KDM6A: variants seen among roughly 807,000 people sequenced by gnomAD.
KDM6A encodes lysine-specific demethylase 6A.
Under a neutral mutation model 117.6 loss-of-function variants are expected in KDM6A, and 11 were observed. The ratio of observed to expected loss-of-function variants is 0.09; its 90% CI spans 0.06 to 0.15. KDM6A has a LOEUF of 0.15. KDM6A is among the 10% of genes least tolerant of loss of function. The pLI is 1.00. For missense variants in KDM6A, 799 were observed against 1,077.3 expected (o/e 0.74, Z 3.62); for synonymous variants, 384 against 396.1 (o/e 0.97, Z 0.36).
chrX:44,941,278 C>T (rs942110164), intron 2 of KDM6A, among the ~76,000 whole-genome samples: 3 of 110,794 alleles, frequency 2.7e-5, no homozygotes, highest in African/African-American at 9.9e-5. Flanking sequence ...ATAATTTTGA[C>T]CTAGCAGACC....
At chrX:45,075,715 G>T (rs1463361451) in intron 18 of KDM6A, among the ~76,000 whole-genome samples, 1 of 111,277 alleles carries the variant, frequency 9.0e-6, no homozygotes, top group Non-Finnish European at 1.9e-5. Context: ...GTTCAGTGTA[G>T]CAAGATAAGG....
At chrX:44,891,030 AT>A (rs999112816) in intron 2 of KDM6A, among the ~76,000 whole-genome samples, 3 of 105,335 alleles carry the variant, frequency 2.8e-5, no homozygotes, top group Non-Finnish European at 5.9e-5. Flanking sequence ...TTCTAGTTGG[AT>A]TTTTTTTTTA....
chrX:44,879,012 G>A lies in KDM6A; in HGVS notation c.225+5025G>A, dbSNP rs762138280. 5.9e-3 allele frequency among the ~76,000 whole-genome samples: 659 copies of A among 111,382 alleles called. 2 individuals carry two copies. The highest frequency in any genetic ancestry group is 9.8e-3 in the Non-Finnish European group (521 of 53,118). On this transcript the variant is annotated intron_variant, in intron 2 of 29. Coordinates refer to ENST00000611820, the MANE Select transcript of KDM6A (RefSeq NM_001291415.2). ...GCTGGCTTTGCAGGTGTGAGCCGCC[G>A]CACCTGGCCAATATCTTAAGCTGTT...
At chrX:44,990,380 A>T (rs1335008449) in intron 4 of KDM6A, among the ~76,000 whole-genome samples, 7 of 110,024 alleles carry the variant, frequency 6.4e-5, no homozygotes, top group Admixed American at 4.9e-4. Context: ...TTCTACTAAC[A>T]ATACAAAAAA....
intron 2 of KDM6A, among the ~76,000 whole-genome samples, chrX:44,888,031 G>A (rs760783557): frequency 1.9e-3 from 214 of 111,201 alleles, no homozygotes; most frequent in South Asian, 4.1e-3. Context: ...AACTGGCAGA[G>A]GGCAGTGGCT....
chrX:44,965,891 T>A (rs2038983870), intron 3 of KDM6A, among the ~76,000 whole-genome samples: 1 of 111,803 alleles, frequency 8.9e-6, no homozygotes, highest in African/African-American at 3.2e-5. Flanking sequence ...TAAAGCAAAG[T>A]GCAATAAAAC....
intron 2 of KDM6A, among the ~76,000 whole-genome samples, chrX:44,959,018 G>A (rs1468788551): frequency 4.5e-5 from 5 of 110,591 alleles, no homozygotes; most frequent in Non-Finnish European, 9.5e-5. Context: ...TAGATATTTG[G>A]CTGTATCTGA....
chrX:44,974,074 T>C (rs1393474515), intron 3 of KDM6A, among the ~76,000 whole-genome samples: 1 of 111,492 alleles, frequency 9.0e-6, no homozygotes, highest in Non-Finnish European at 1.9e-5. Flanking sequence ...CTGATAATTC[T>C]TAGCTGTCCA....
intron 4 of KDM6A, among the ~76,000 whole-genome samples, chrX:44,982,278 T>A (rs773492290): frequency 1.8e-5 from 2 of 111,472 alleles, no homozygotes; most frequent in African/African-American, 6.5e-5. Flanking sequence ...TTTTTGTACA[T>A]TGATTGATTA....
intron 2 of KDM6A, among the ~76,000 whole-genome samples, chrX:44,904,625 A>T (rs890618599): frequency 1.8e-5 from 2 of 111,948 alleles, no homozygotes; most frequent in Non-Finnish European, 3.8e-5. Flanking sequence ...TTTATGTGAA[A>T]TACCTAGCTT....
intron 6 of KDM6A, among the ~76,000 whole-genome samples, chrX:45,023,654 T>TA (rs2042255269): frequency 8.9e-6 from 1 of 112,020 alleles, no homozygotes; most frequent in African/African-American, 3.2e-5. Flanking sequence ...TGTGTAGTTT[T>TA]ATATCACTAG....
At chrX:44,992,201 T>G (rs770916845) in intron 4 of KDM6A, among the ~76,000 whole-genome samples, 5 of 81,451 alleles carry the variant, frequency 6.1e-5, no homozygotes, top group South Asian at 1.4e-3. Flanking sequence ...CAATACTGTC[T>G]TCTTCTTTTT....
chrX:45,011,776 A>AT (rs201511256), intron 5 of KDM6A, among the ~76,000 whole-genome samples: 5 of 109,821 alleles, frequency 4.6e-5, no homozygotes, highest in East Asian at 2.9e-4. Context: ...TTATTTATTT[A>AT]TTTATTTTAT....
chrX:44,950,974 A>T (rs2037965890), intron 2 of KDM6A, among the ~76,000 whole-genome samples: 1 of 109,856 alleles, frequency 9.1e-6, no homozygotes, highest in Non-Finnish European at 1.9e-5. Flanking sequence ...CATTACAGAT[A>T]CCTCTTCCCC....
intron 2 of KDM6A, among the ~76,000 whole-genome samples, chrX:44,889,381 A>G (rs555301268): frequency 1.2e-4 from 13 of 112,443 alleles, no homozygotes; most frequent in African/African-American, 3.2e-4. Flanking sequence ...TACTTTTATT[A>G]TAAATCTATC....
chrX:44,913,365 C>T (rs1477776988), intron 2 of KDM6A, among the ~76,000 whole-genome samples: 1 of 94,156 alleles, frequency 1.1e-5, no homozygotes, highest in Non-Finnish European at 2.0e-5. Context: ...GTGGTGTGAT[C>T]TTGGCTCACT....
chrX:44,910,296 C>G (rs2035006060), intron 2 of KDM6A, among the ~76,000 whole-genome samples: 1 of 111,695 alleles, frequency 9.0e-6, no homozygotes, highest in South Asian at 3.7e-4. Context: ...AAGCAATTCT[C>G]CTGCCTCAGC....
intron 4 of KDM6A, among the ~76,000 whole-genome samples, chrX:45,002,690 A>G (rs867520866): frequency 1.1e-4 from 12 of 111,809 alleles, no homozygotes; most frequent in African/African-American, 3.6e-4. Flanking sequence ...CATTTCTTGC[A>G]TAAATTCCCT....
At chrX:45,103,375 T>C (rs901918106) in intron 27 of KDM6A, among the ~76,000 whole-genome samples, 1 of 110,998 alleles carries the variant, frequency 9.0e-6, no homozygotes, top group Non-Finnish European at 1.9e-5. Context: ...TCATAATCAA[T>C]TAAGTAAATT....
Sources: gnomAD v4.1 joint callset for allele counts (sites outside exome capture counted in the v4.1 genomes callset) on GRCh38, gnomAD v4.1.1 for gene constraint, MANE v1.5 for transcripts, NCBI Gene and HGNC (gene_info 2026-07-23, HGNC 2026-07-21) for gene names.